The following CSMD1 variants were observed in gnomAD, a reference collection of about 807,000 sequenced individuals.
The protein encoded by CSMD1 is CUB and sushi domain-containing protein 1.
Under a neutral mutation model 417.5 loss-of-function variants are expected in CSMD1, and 213 were observed. The ratio of observed to expected loss-of-function variants is 0.51; its 90% confidence interval spans 0.46 to 0.57. The LOEUF is 0.57. Among genes scored for constraint, CSMD1 ranks in the 20% least tolerant of loss-of-function variants. The pLI, the probability that CSMD1 is intolerant of heterozygous loss-of-function variation, is 0.00. For missense variants in CSMD1, 6,923 were observed against 4,529.7 expected (o/e 1.53, Z -15.17); for synonymous variants, 2,862 against 1,736.8 (o/e 1.65, Z -16.11).
chr8:3,652,008 C>T lies in CSMD1; in HGVS notation c.1010-35211G>A, dbSNP rs143959447. On this transcript the variant is annotated intron_variant, in intron 7 of 69. Transcript: ENST00000635120. The stretch of plus-strand genomic sequence containing the variant: ...AACATCATTACACATACCATCAGTG[C>T]GCTTACCACCATCAGAGCACTTACT... 1.6e-3 allele frequency among the ~76,000 whole-genome samples: 223 copies of T among 143,758 alleles called. 1 individual carries two copies. The highest frequency in any genetic ancestry group is 8.8e-3 in the Middle Eastern group (2 of 226). The allele number at this position is 143,758 out of a possible 152,430, so 94.3% of individuals were successfully genotyped here.
intron 54 of CSMD1, among the ~76,000 whole-genome samples, chr8:2,994,678 G>C (rs1378131801): frequency 6.6e-6 from 1 of 152,150 alleles, no homozygotes; most frequent in Admixed American, 6.5e-5. Flanking sequence ...GAAACACACA[G>C]TAAAGTTTTT....
chr8:4,730,714 C>G (rs950162129), intron 1 of CSMD1, among the ~76,000 whole-genome samples: 2 of 151,574 alleles, frequency 1.3e-5, no homozygotes, highest in African/African-American at 2.4e-5. Flanking sequence ...GCACTCCAGC[C>G]TGGGCGACAG....
At chr8:3,631,737 G>A (rs572589157) in intron 7 of CSMD1, among the ~76,000 whole-genome samples, 2 of 152,314 alleles carry the variant, frequency 1.3e-5, no homozygotes, top group East Asian at 3.9e-4. Context: ...TCTGAGAATA[G>A]CATTTGATTA....
chr8:4,361,103 T>C (rs1801733573), intron 3 of CSMD1, among the ~76,000 whole-genome samples: 1 of 152,196 alleles, frequency 6.6e-6, no homozygotes, highest in South Asian at 2.1e-4. Context: ...CTACACACTG[T>C]GTGGATGCTG....
chr8:4,468,869 G>A (rs779782902), intron 2 of CSMD1, among the ~76,000 whole-genome samples: 4 of 152,090 alleles, frequency 2.6e-5, no homozygotes, highest in East Asian at 1.9e-4. Context: ...TTATAAACTT[G>A]AACACTGCAA....
intron 4 of CSMD1, among the ~76,000 whole-genome samples, chr8:4,007,560 CT>C (rs1360444206): frequency 6.6e-6 from 1 of 152,228 alleles, no homozygotes; most frequent in Admixed American, 6.5e-5. Flanking sequence ...ATCCTGTATG[CT>C]TACCTCTCGG....
At chr8:3,818,914 G>A (rs769446473) in intron 5 of CSMD1, among the ~76,000 whole-genome samples, 2 of 152,140 alleles carry the variant, frequency 1.3e-5, no homozygotes, top group Non-Finnish European at 2.9e-5. Flanking sequence ...CACCGCACAT[G>A]CCCACACTCA....
chr8:4,699,388 G>A (rs1257869719), intron 1 of CSMD1, among the ~76,000 whole-genome samples: 1 of 152,040 alleles, frequency 6.6e-6, no homozygotes, highest in Non-Finnish European at 1.5e-5. Flanking sequence ...CTCACACCTT[G>A]TACTGATCAC....
intron 6 of CSMD1, among the ~76,000 whole-genome samples, chr8:3,731,103 C>T (rs532472169): frequency 2.7e-4 from 41 of 152,258 alleles, no homozygotes; most frequent in Non-Finnish European, 4.0e-4. Context: ...AGTTTATTGT[C>T]GAGCACACCC....
chr8:4,011,180 T>C (rs1816507936), intron 4 of CSMD1, among the ~76,000 whole-genome samples: 1 of 152,184 alleles, frequency 6.6e-6, no homozygotes, highest in South Asian at 2.1e-4. Flanking sequence ...CCTGCAAATA[T>C]TTCTACCTAG....
At chr8:3,946,470 C>G (rs556632819) in intron 5 of CSMD1, among the ~76,000 whole-genome samples, 4 of 152,248 alleles carry the variant, frequency 2.6e-5, no homozygotes, top group African/African-American at 9.6e-5. Flanking sequence ...TATGTAAGTC[C>G]TCCCACTTTG....
intron 50 of CSMD1, among the ~76,000 whole-genome samples, chr8:3,037,146 A>G (rs562823990): frequency 1.3e-5 from 2 of 152,258 alleles, no homozygotes; most frequent in South Asian, 4.1e-4. Context: ...CCTGCACAAG[A>G]CATTATTTCA....
chr8:4,963,042 C>A (rs1437523472), intron 1 of CSMD1, among the ~76,000 whole-genome samples: 1 of 152,090 alleles, frequency 6.6e-6, no homozygotes, highest in Admixed American at 6.5e-5. Context: ...CCACCTTACT[C>A]CTGCATGGAA....
intron 1 of CSMD1, among the ~76,000 whole-genome samples, chr8:4,659,243 C>T (rs1241714287): frequency 7.0e-6 from 1 of 142,238 alleles, no homozygotes; most frequent in Non-Finnish European, 1.5e-5. Flanking sequence ...TGCATAGCTG[C>T]AAATACCAAC....
chr8:4,810,457 A>C (rs71523648), intron 1 of CSMD1, among the ~76,000 whole-genome samples: 1,908 of 152,240 alleles, frequency 0.013, 20 homozygotes, highest in Non-Finnish European at 0.021. Flanking sequence ...TTGCTTTGCC[A>C]CCTAGTACCA....
intron 3 of CSMD1, among the ~76,000 whole-genome samples, chr8:4,202,918 T>G (rs1376533900): frequency 4.6e-5 from 7 of 151,574 alleles, no homozygotes; most frequent in African/African-American, 1.5e-4. Flanking sequence ...ACACCTGGAG[T>G]GAGGAGAGAT....
chr8:4,574,898 T>A (rs1040112854), intron 2 of CSMD1, among the ~76,000 whole-genome samples: 1 of 152,234 alleles, frequency 6.6e-6, no homozygotes, highest in Non-Finnish European at 1.5e-5. Context: ...TGTGAAAGAA[T>A]AACATACACA....
chr8:4,818,925 G>C (rs1227065228), intron 1 of CSMD1, among the ~76,000 whole-genome samples: 2 of 152,138 alleles, frequency 1.3e-5, no homozygotes, highest in East Asian at 1.9e-4. Flanking sequence ...TTGGAAATGG[G>C]TTTCTGATTC....
chr8:4,128,614 G>C (rs767473273), intron 3 of CSMD1, among the ~76,000 whole-genome samples: 3 of 152,098 alleles, frequency 2.0e-5, no homozygotes, highest in Non-Finnish European at 4.4e-5. Context: ...CAAAGCCCAT[G>C]CTTGCTTTTT....
Sources: allele counts gnomAD v4.1 joint callset (sites outside exome capture counted in the v4.1 genomes callset), GRCh38; gene constraint gnomAD v4.1.1; transcripts MANE v1.5; gene names NCBI Gene and HGNC (gene_info 2026-07-23, HGNC 2026-07-21).